Variants in PIK3R5 observed in about 807,000 individuals in gnomAD.
The protein encoded by PIK3R5 is phosphoinositide-3-kinase regulatory subunit 5.
A neutral mutation model predicts 94.9 loss-of-function variants in PIK3R5; 32 were observed. That is an observed-to-expected ratio of 0.34 (90% confidence interval 0.25 to 0.45). The LOEUF is 0.45. Ranked by LOEUF, PIK3R5 falls within the 20% of genes least tolerant of loss-of-function variation. The pLI, the probability that PIK3R5 is intolerant of heterozygous loss-of-function variation, is 1.00. For synonymous variants in PIK3R5, 443 were observed against 479.4 expected (o/e 0.92, Z 0.99); for missense variants, 853 against 1,144.6 (o/e 0.75, Z 3.68).
rs118057927 is a variant in PIK3R5 at position 8,955,850 on chromosome 17, G to A, written c.-14+9746C>T. Among the ~76,000 whole-genome samples, 14 of 152,192 alleles carry A rather than the reference G, an allele frequency of 9.2e-5. No homozygotes were observed. Among genetic ancestry groups the A allele is most frequent in the African/African-American group, 3.4e-4 (14 of 41,444 alleles). On this transcript the variant is annotated intron_variant, in intron 1 of 18. Coordinates refer to ENST00000447110, the MANE Select transcript of PIK3R5 (RefSeq NM_001142633.3). This position sits in a 1 kb window ranked among gnomAD's most constrained non-coding sequence, Gnocchi z 4.4. ...AGGAAGCCTGCTTTGTGGATGCAGA[G>A]TTGGGCTCTGGATATTGCTCAAGTT...
At chr17:8,895,891 A>T (rs767191938) in intron 5 of PIK3R5, among the ~76,000 whole-genome samples, 1 of 152,178 alleles carries the variant, frequency 6.6e-6, no homozygotes, top group African/African-American at 2.4e-5. Flanking sequence ...GTTCCCAAGC[A>T]GAACCTATGA....
chr17:8,893,890 G>T lies in PIK3R5; in HGVS notation c.413-235C>A. 3 of 405,424 alleles carry T rather than the reference G, an allele frequency of 7.4e-6. No homozygotes were observed. The highest frequency in any genetic ancestry group is 1.4e-5 in the Non-Finnish European group (3 of 220,516). 25.1% of individuals were successfully genotyped at this position (405,424 alleles called of 1,614,324 possible). ...ACCTCCACCTCCAACACCAAAACTCGGTCCTGGGCCTCGCTGTCCTCTGGA... is the reference window on the plus strand; with the variant it reads ...ACCTCCACCTCCAACACCAAAACTCTGTCCTGGGCCTCGCTGTCCTCTGGA... On this transcript the variant is annotated intron_variant, in intron 5 of 18. Transcript: ENST00000447110. The surrounding 1 kb of genome is among the most constrained non-coding windows in gnomAD (Gnocchi z 5.1).
intron 1 of PIK3R5, among the ~76,000 whole-genome samples, chr17:8,957,234 TC>T (rs568895977): frequency 1.3e-5 from 2 of 152,208 alleles, no homozygotes; most frequent in Non-Finnish European, 2.9e-5. Context: ...ACATGTATTT[TC>T]CCTGCATACT....
Position 8,887,642 on chromosome 17 carries a change from T to C in PIK3R5, c.1658A>G (p.Lys553Arg). 17 of 1,608,262 alleles carry C rather than the reference T, an allele frequency of 1.1e-5. No homozygotes were observed. Among genetic ancestry groups the C allele is most frequent in the Non-Finnish European group, 1.4e-5 (17 of 1,177,358 alleles). Residue 553 changes from lysine (K) to arginine (R), a missense_variant, in exon 11 of 19, where the codon AAA (lysine) becomes AGA (arginine). Lys to Arg is a conservative substitution (Grantham distance 26, BLOSUM62 2). Transcript: ENST00000447110. ...NNRPLLTRFFKLQFFYVPVKR... is the reference protein window; with the variant it reads ...NNRPLLTRFFRLQFFYVPVKR... ...CACAGGCACGTAGAAGAACTGAAGT[T>C]TGAAGAACCGTGTGAGGAGTGGGCG...
At chr17:8,928,169 G>T (rs918764210) in intron 1 of PIK3R5, among the ~76,000 whole-genome samples, 1 of 152,074 alleles carries the variant, frequency 6.6e-6, no homozygotes, top group African/African-American at 2.4e-5. Flanking sequence ...TCAGACAAAA[G>T]GTCTAACATT....
Position 8,911,593 on chromosome 17 carries a change from T to G in PIK3R5, c.-13-86A>C. The G allele has an allele frequency of 1.2e-6, 1 of 847,898 alleles. No homozygotes were observed. The highest frequency in any genetic ancestry group is 1.7e-5 in the African/African-American group (1 of 60,362). 52.5% of individuals were successfully genotyped at this position (847,898 alleles called of 1,614,324 possible). A position where few individuals can be genotyped will look rare whatever the true frequency, so the allele number is the denominator to read the frequency against. On this transcript the variant is annotated intron_variant, in intron 1 of 18. Coordinates refer to ENST00000447110, the MANE Select transcript of PIK3R5 (RefSeq NM_001142633.3). This position sits in a 1 kb window ranked among gnomAD's most constrained non-coding sequence, Gnocchi z 5.3. ...CAGTAAAGACAACAGGTGCTCACAG[T>G]GCAGCGCGATCAGCCCAGCCCAGCT...
At chr17:8,932,341 C>A (rs528528854) in intron 1 of PIK3R5, among the ~76,000 whole-genome samples, 1 of 152,174 alleles carries the variant, frequency 6.6e-6, no homozygotes, top group East Asian at 1.9e-4. Flanking sequence ...TTAAGCAATT[C>A]TCCTGGCCTC....
chr17:8,890,221 T>C lies in PIK3R5; in HGVS notation c.658-95A>G. ...AGCTTCTTACTGAGGGAGGCAGTGATCTGTCCCCTCCCAGCCTCATCACCC... is the reference window on the plus strand; with the variant it reads ...AGCTTCTTACTGAGGGAGGCAGTGACCTGTCCCCTCCCAGCCTCATCACCC... On this transcript the variant is annotated intron_variant, in intron 7 of 18. Coordinates refer to ENST00000447110, the MANE Select transcript of PIK3R5 (RefSeq NM_001142633.3). This position sits in a 1 kb window ranked among gnomAD's most constrained non-coding sequence, Gnocchi z 6.1. 1 of 1,322,960 alleles carries C rather than the reference T, an allele frequency of 7.6e-7. No individual in the cohort carries two copies. The highest frequency in any genetic ancestry group is 1.1e-6 in the Non-Finnish European group (1 of 946,720). 82.0% of individuals were successfully genotyped at this position (1,322,960 alleles called of 1,614,324 possible).
At chr17:8,930,427 G>T (rs1411528654) in intron 1 of PIK3R5, among the ~76,000 whole-genome samples, 4 of 152,028 alleles carry the variant, frequency 2.6e-5, no homozygotes, top group Non-Finnish European at 5.9e-5. Context: ...AAAATTGGTG[G>T]GATACAGTTA....
Position 8,945,233 on chromosome 17 carries a change from A to G in PIK3R5, c.-14+20363T>C, listed in dbSNP as rs2091252878. ...GGCCCTGGCTTCCTATACACTCAAG[A>G]GGCACAGCTAAGGCCTAGGAGTTGT... On this transcript the variant is annotated intron_variant, in intron 1 of 18. Coordinates refer to ENST00000447110, the MANE Select transcript of PIK3R5 (RefSeq NM_001142633.3). The surrounding 1 kb of genome is among the most constrained non-coding windows in gnomAD (Gnocchi z 4.0). 6.6e-6 allele frequency among the ~76,000 whole-genome samples: 1 copy of G among 152,114 alleles called. No individual in the cohort carries two copies. The highest frequency in any genetic ancestry group is 1.5e-5 in the Non-Finnish European group (1 of 68,022).
At chr17:8,932,768 A>T (rs1300490522) in intron 1 of PIK3R5, among the ~76,000 whole-genome samples, 1 of 152,204 alleles carries the variant, frequency 6.6e-6, no homozygotes, top group Non-Finnish European at 1.5e-5. Context: ...TCTAATAGAT[A>T]TGTAATTGAT....
In PIK3R5 at chr17:8,957,434, G is replaced by A. The variant is rs79285688; in HGVS notation, c.-14+8162C>T. Among the ~76,000 whole-genome samples the A allele has an allele frequency of 2.4e-3, 364 of 152,242 alleles. 2 individuals carry two copies. The highest frequency in any genetic ancestry group is 8.3e-3 in the African/African-American group (345 of 41,536). ...TCACCTTTTTCAAAGGACACTGCTC[G>A]TCAAACATCTGAAGACAGATACTAC... On this transcript the variant is annotated intron_variant, in intron 1 of 18. Transcript: ENST00000447110.
rs571603427 is a variant in PIK3R5 at position 8,935,947 on chromosome 17, G to C, written c.-13-24440C>G. Among the ~76,000 whole-genome samples, 2 of 151,812 alleles carry C rather than the reference G, an allele frequency of 1.3e-5. No individual in the cohort carries two copies. The highest frequency in any genetic ancestry group is 2.4e-5 in the African/African-American group (1 of 41,312). ...CGGGCACCTGTAGTCCCAGCTACTCGGGAGGCTGAGGCAGGAGAATGGCGT... is the reference window on the plus strand; with the variant it reads ...CGGGCACCTGTAGTCCCAGCTACTCCGGAGGCTGAGGCAGGAGAATGGCGT... On this transcript the variant is annotated intron_variant, in intron 1 of 18. Coordinates refer to ENST00000447110, the MANE Select transcript of PIK3R5 (RefSeq NM_001142633.3). This position sits in a 1 kb window ranked among gnomAD's most constrained non-coding sequence, Gnocchi z 4.5.
At chr17:8,885,915 TACCGGACAACCCCGC>T (rs1271304680) in intron 14 of PIK3R5, among the ~76,000 whole-genome samples, 18 of 112,516 alleles carry the variant, frequency 1.6e-4, no homozygotes, top group Non-Finnish European at 2.3e-4. Flanking sequence ...AGGCCCCACC[TACCGGACAACCCCGC>T]CTCCCCATGG....
At position 8,959,681 on chromosome 17, in the gene PIK3R5, G is replaced by T. The variant is rs535785340; in HGVS notation, c.-14+5915C>A. Among the ~76,000 whole-genome samples the T allele has an allele frequency of 4.0e-4, 61 of 152,346 alleles. 2 individuals carry two copies. The highest frequency in any genetic ancestry group is 3.5e-3 in the Admixed American group (54 of 15,310). ...GAAAAGGGCCAAACCACCAAGCCAT[G>T]CAGGAACAAATGCTCAGGCCAAAAA... On this transcript the variant is annotated intron_variant, in intron 1 of 18. Coordinates refer to ENST00000447110, the MANE Select transcript of PIK3R5 (RefSeq NM_001142633.3).
rs147451799 is a variant in PIK3R5 at position 8,881,790 on chromosome 17, A to C, written c.2297T>G (p.Leu766Arg). ...LNKACRKQEE[L>R]DSSMEALTLN... The stretch of plus-strand genomic sequence containing the variant: ...CCCACACTGACCACCCCACTCACCC[A>C]GCTCCTCCTGCTTCCGGCAGGCCTT... The change falls in exon 16 of 19, where the codon CTG becomes CGG. Residue 766 changes from leucine (L) to arginine (R), a missense_variant and splice_region_variant. Around this residue, in one of 6 missense-constraint regions of PIK3R5, gnomAD observed 173 missense variants for 274.1 expected, o/e 0.63. Transcript: ENST00000447110. The surrounding 1 kb of genome is among the most constrained non-coding windows in gnomAD (Gnocchi z 4.8). The C allele has an allele frequency of 1.2e-6, 2 of 1,613,944 alleles. No individual in the cohort carries two copies. Among genetic ancestry groups the C allele is most frequent in the Non-Finnish European group, 1.7e-6 (2 of 1,179,890 alleles).
intron 1 of PIK3R5, among the ~76,000 whole-genome samples, chr17:8,913,320 A>G (rs1414112955): frequency 6.6e-6 from 1 of 152,234 alleles, no homozygotes; most frequent in Non-Finnish European, 1.5e-5. Flanking sequence ...ACCCAGGAGT[A>G]TATGCCAGGG....
In PIK3R5 at chr17:8,889,933, T is replaced by C. The variant is rs1436993139; in HGVS notation, c.811+40A>G. The C allele has an allele frequency of 3.1e-6, 5 of 1,609,958 alleles. No homozygotes were observed. In the African/African-American group the frequency reaches 4.0e-5, roughly 13 times the overall value. On this transcript the variant is annotated intron_variant, in intron 8 of 18. Coordinates refer to ENST00000447110, the MANE Select transcript of PIK3R5 (RefSeq NM_001142633.3). The surrounding 1 kb of genome is among the most constrained non-coding windows in gnomAD (Gnocchi z 4.1). ...GCACCTTGGGACCTAGAATAGGCCATGGGGAATGTGGGAGAACCCCATTCT... is the reference window on the plus strand; with the variant it reads ...GCACCTTGGGACCTAGAATAGGCCACGGGGAATGTGGGAGAACCCCATTCT...
Position 8,880,934 on chromosome 17 carries a change from A to C in PIK3R5, c.2466T>G (p.Asp822Glu). 6.2e-7 allele frequency: 1 copy of C among 1,613,962 alleles called. No individual in the cohort carries two copies. The highest frequency in any genetic ancestry group is 8.5e-7 in the Non-Finnish European group (1 of 1,179,928). ...SCPFAVCLDQ[D>E]ERKILQSVVR... is the part of the protein sequence containing the mutation. ...CTACACTCTGCAGGATCTTTCTCTC[A>C]TCCTGGTCCAGGCACACAGCAAAGG... The change falls in exon 18 of 19, where the codon GAT becomes GAG. Residue 822 changes from aspartate to glutamate, a missense_variant. Transcript: ENST00000447110.
Sources: allele counts gnomAD v4.1 joint callset (sites outside exome capture counted in the v4.1 genomes callset), GRCh38; gene constraint gnomAD v4.1.1; regional missense constraint gnomAD v4.1.1; non-coding constraint Gnocchi (gnomAD v3.1); transcripts MANE v1.5; gene names NCBI Gene and HGNC (gene_info 2026-07-23, HGNC 2026-07-21).